Variants in STK39 observed in about 807,000 individuals in gnomAD.
STK39 encodes serine/threonine kinase 39.
A neutral mutation model predicts 77.8 loss-of-function variants in STK39; 20 were observed. The observed-to-expected ratio is 0.26, with a 90% confidence interval of 0.18 to 0.37. The LOEUF is 0.37. STK39 is among the 10% of genes least tolerant of loss of function. STK39 has a pLI of 1.00. For missense variants in STK39, 479 were observed against 656.5 expected, an observed-to-expected ratio of 0.73 and a Z score of 2.95; for synonymous variants, 246 against 234.1, an observed-to-expected ratio of 1.05 and a Z score of -0.47.
chr2:168,079,429 A>T (rs1264558131), intron 10 of STK39, among the ~76,000 whole-genome samples: 1 of 152,230 alleles, frequency 6.6e-6, no homozygotes, highest in African/African-American at 2.4e-5. Context: ...TTGAAAAGCA[A>T]GCCCTGGGAT....
chr2:168,185,106 C>T (rs1689175300), intron 1 of STK39, among the ~76,000 whole-genome samples: 1 of 152,158 alleles, frequency 6.6e-6, no homozygotes, highest in African/African-American at 2.4e-5. Context: ...CTGAACAGCA[C>T]CTTGTATTTA....
chr2:167,975,342 G>A (rs979612507), intron 16 of STK39, among the ~76,000 whole-genome samples: 36 of 152,018 alleles, frequency 2.4e-4, no homozygotes, highest in African/African-American at 8.7e-4. Context: ...CCACTGAGAC[G>A]AGCAGAGGAA....
chr2:168,155,925 C>T (rs1688415325), intron 5 of STK39, among the ~76,000 whole-genome samples: 1 of 152,198 alleles, frequency 6.6e-6, no homozygotes, highest in African/African-American at 2.4e-5. Flanking sequence ...TCCCGTGCCT[C>T]TAGGCAGAGT....
chr2:168,246,733 G>A (rs1460219263), intron 1 of STK39, among the ~76,000 whole-genome samples: 3 of 150,554 alleles, frequency 2.0e-5, no homozygotes, highest in Non-Finnish European at 4.5e-5. Context: ...TACCCACGAC[G>A]AGAGGGTCAC....
chr2:168,210,430 T>C (rs1242621011), intron 1 of STK39, among the ~76,000 whole-genome samples: 2 of 152,220 alleles, frequency 1.3e-5, no homozygotes, highest in Non-Finnish European at 2.9e-5. Flanking sequence ...CTTAGAGATG[T>C]TGCAAACTTC....
rs144377638 is a variant in STK39 at position 168,040,234 on chromosome 2, G to A, written c.1377-23139C>T. Among the ~76,000 whole-genome samples the A allele has an allele frequency of 7.4e-4, 112 of 152,004 alleles. 1 individual carries two copies. The highest frequency in any genetic ancestry group is 2.6e-3 in the African/African-American group (106 of 41,472). ...TATATATTTGGATAAATGTACAGGTGGACAGATATAGAAAAAATAAAGGAA... is the reference window on the plus strand; with the variant it reads ...TATATATTTGGATAAATGTACAGGTAGACAGATATAGAAAAAATAAAGGAA... On this transcript the variant is annotated intron_variant, in intron 14 of 17. Transcript: ENST00000355999.
At chr2:168,034,827 C>T (rs897765764) in intron 14 of STK39, among the ~76,000 whole-genome samples, 26 of 152,274 alleles carry the variant, frequency 1.7e-4, no homozygotes, top group African/African-American at 6.3e-4. Context: ...GGGTGCCATG[C>T]TAATTATATA....
chr2:168,168,856 G>A (rs900665783), intron 2 of STK39, among the ~76,000 whole-genome samples: 6 of 152,092 alleles, frequency 3.9e-5, no homozygotes, highest in South Asian at 4.2e-4. Flanking sequence ...GGTGGTGTGC[G>A]CCTGTAGTCC....
chr2:168,009,185 G>C (rs1684207051), intron 16 of STK39, among the ~76,000 whole-genome samples: 1 of 152,024 alleles, frequency 6.6e-6, no homozygotes, highest in Non-Finnish European at 1.5e-5. Flanking sequence ...AATGGGAGGT[G>C]GGGTAAAGAC....
chr2:168,097,629 G>A (rs1686705100), intron 10 of STK39, among the ~76,000 whole-genome samples: 1 of 152,120 alleles, frequency 6.6e-6, no homozygotes, highest in Non-Finnish European at 1.5e-5. Flanking sequence ...CAGTTACTCA[G>A]AAGGCTCAGG....
intron 10 of STK39, among the ~76,000 whole-genome samples, chr2:168,119,835 G>A (rs1574480698): frequency 6.6e-6 from 1 of 152,200 alleles, no homozygotes; most frequent in South Asian, 2.1e-4. Context: ...TTCCAGGAGG[G>A]GAAAAAAGCA....
At chr2:168,143,491 T>C (rs1688048282) in intron 5 of STK39, among the ~76,000 whole-genome samples, 1 of 152,104 alleles carries the variant, frequency 6.6e-6, no homozygotes, top group South Asian at 2.1e-4. Context: ...TGCAAGTGGA[T>C]CACGAGGTCA....
At chr2:168,037,716 G>C (rs1574411731) in intron 14 of STK39, among the ~76,000 whole-genome samples, 1 of 152,000 alleles carries the variant, frequency 6.6e-6, no homozygotes, top group South Asian at 2.1e-4. Flanking sequence ...AGTATAATGG[G>C]AACAATAAAA....
intron 14 of STK39, among the ~76,000 whole-genome samples, chr2:168,061,868 ACG>A (rs1685673474): frequency 6.6e-6 from 1 of 152,210 alleles, no homozygotes; most frequent in Non-Finnish European, 1.5e-5. Flanking sequence ...GTTCAGTAGT[ACG>A]TGTTTTGACA....
At chr2:167,973,504 G>A (rs1683174539) in intron 16 of STK39, among the ~76,000 whole-genome samples, 1 of 152,194 alleles carries the variant, frequency 6.6e-6, no homozygotes, top group African/African-American at 2.4e-5. Flanking sequence ...TTTAAAAACA[G>A]GGATGTTCAG....
chr2:168,127,514 T>A (rs965666536), intron 10 of STK39, among the ~76,000 whole-genome samples: 1 of 152,180 alleles, frequency 6.6e-6, no homozygotes, highest in African/African-American at 2.4e-5. Context: ...TTTTCAAATT[T>A]CAAAAAGCTC....
At chr2:168,157,044 C>T (rs1442330770) in intron 5 of STK39, among the ~76,000 whole-genome samples, 1 of 152,212 alleles carries the variant, frequency 6.6e-6, no homozygotes, top group Non-Finnish European at 1.5e-5. Context: ...ACTCAACCAC[C>T]TTGCCCATCT....
intron 1 of STK39, among the ~76,000 whole-genome samples, chr2:168,202,671 G>A (rs370518096): frequency 2.6e-5 from 4 of 151,732 alleles, no homozygotes; most frequent in African/African-American, 7.3e-5. Context: ...TTGCAGCAGC[G>A]ACCAAACTGC....
At chr2:168,182,543 A>G (rs529980612) in intron 1 of STK39, among the ~76,000 whole-genome samples, 3 of 152,190 alleles carry the variant, frequency 2.0e-5, no homozygotes, top group Non-Finnish European at 2.9e-5. Context: ...TTGCTCCACA[A>G]TGAGAAAAAC....
Sources: gnomAD v4.1 joint callset for allele counts (sites outside exome capture counted in the v4.1 genomes callset) on GRCh38, gnomAD v4.1.1 for gene constraint, MANE v1.5 for transcripts, NCBI Gene and HGNC (gene_info 2026-07-23, HGNC 2026-07-21) for gene names.